Variants in POLR2B observed in about 807,000 individuals in gnomAD.
POLR2B encodes the protein DNA-directed RNA polymerase II subunit RPB2.
A neutral mutation model predicts 144.6 loss-of-function variants in POLR2B; 57 were observed. The observed-to-expected ratio is 0.39, with a 90% CI of 0.32 to 0.49. The LOEUF is 0.49. Ranked by LOEUF, POLR2B falls within the 20% of genes least tolerant of loss-of-function variation. The pLI, the probability that POLR2B is intolerant of heterozygous loss-of-function variation, is 0.83. For synonymous variants in POLR2B, 442 were observed against 469.8 expected (o/e 0.94, Z 0.77); for missense variants, 595 against 1,467.4 (o/e 0.41, Z 9.71).
chr4:56,994,725 G>A lies in POLR2B; in HGVS notation c.435G>A (p.Gln145=). The A allele has an allele frequency of 6.2e-7, 1 of 1,613,612 alleles. No individual in the cohort carries two copies. Among genetic ancestry groups the A allele is most frequent in the Non-Finnish European group, 8.5e-7 (1 of 1,179,568 alleles). The change falls in exon 5 of 25, where the codon CAG becomes CAA. Residue 145 remains glutamine (Q), a synonymous_variant. Transcript: ENST00000314595. Reference sequence around the variant, plus strand: ...AAGAACAACTTCAGACTCAGCATCAGAAAACTTTTATAGGAAAAATTCCAA... The same window carrying A: ...AAGAACAACTTCAGACTCAGCATCAAAAAACTTTTATAGGAAAAATTCCAA... The part of the protein sequence containing the change: ...EGEEQLQTQH[Q]KTFIGKIPIM...
At position 56,978,910 on chromosome 4, in the gene POLR2B, T is replaced by G; in HGVS notation, c.-76T>G. The G allele has an allele frequency of 7.1e-7, 1 of 1,398,878 alleles. No homozygotes were observed. Among genetic ancestry groups the G allele is most frequent in the Non-Finnish European group, 1.0e-6 (1 of 983,964 alleles). 86.7% of individuals were successfully genotyped at this position (1,398,878 alleles called of 1,614,324 possible). ...AGACGGAAGTTACTTCGTCTTTAGCTCCTGGCGCTGCTGGCTTCTGGGCGG... is the reference window on the plus strand; with the variant it reads ...AGACGGAAGTTACTTCGTCTTTAGCGCCTGGCGCTGCTGGCTTCTGGGCGG... On this transcript the variant is annotated 5_prime_UTR_variant, in exon 1 of 25. Transcript: ENST00000314595.
chr4:57,006,740 T>C (rs189820837), intron 9 of POLR2B, 76 bp from the exon 10 acceptor site: 3 of 1,229,952 alleles, frequency 2.4e-6, no homozygotes, highest in African/African-American at 1.5e-5. Context: ...CACGCTTTTT[T>C]TTGCAATATT....
chr4:56,990,883 A>G lies in POLR2B; in HGVS notation c.228A>G (p.Gly76=). The G allele has an allele frequency of 6.2e-7, 1 of 1,611,596 alleles. No individual in the cohort carries two copies. Among genetic ancestry groups the G allele is most frequent in the Non-Finnish European group, 8.5e-7 (1 of 1,179,322 alleles). The change falls in exon 3 of 25, where the codon GGA becomes GGG. Residue 76 remains glycine, a synonymous_variant. Coordinates refer to ENST00000314595, the MANE Select transcript of POLR2B (RefSeq NM_000938.3). ...AGGCTGAAGCTCAGCATGCTAGTGG[A>G]GAAGTTGAAGAACCGGTAAGATAGT... ...DLQAEAQHAS[G]EVEEPPRYLL...
intron 2 of POLR2B, among the ~76,000 whole-genome samples, chr4:56,988,554 C>T (rs987970160): frequency 1.3e-5 from 2 of 151,988 alleles, no homozygotes; most frequent in East Asian, 3.9e-4. Flanking sequence ...GTCAGCTTTT[C>T]ATTGTGCCTG....
rs1239632207 is a variant in POLR2B, at chr4:57,006,929, T to TA, written c.1335dup (p.Tyr446IlefsTer10). 1 of 1,613,700 alleles carries TA rather than the reference T, an allele frequency of 6.2e-7. No homozygotes were observed. Among genetic ancestry groups the TA allele is most frequent in the Non-Finnish European group, 8.5e-7 (1 of 1,179,606 alleles). ...AAAACACGGATCATATCTGATGGCCTAAAATACTCTTTAGCTACTGGAAAC... is the reference window on the plus strand; with the variant it reads ...AAAACACGGATCATATCTGATGGCCTAAAAATACTCTTTAGCTACTGGAAAC... On this transcript the variant is annotated frameshift_variant, in exon 10 of 25. Coordinates refer to ENST00000314595, the MANE Select transcript of POLR2B (RefSeq NM_000938.3). LOFTEE classifies it high-confidence loss of function.
At chr4:57,022,631 C>T (rs989651188) in intron 18 of POLR2B, among the ~76,000 whole-genome samples, 2 of 152,084 alleles carry the variant, frequency 1.3e-5, no homozygotes, top group African/African-American at 4.8e-5. Flanking sequence ...AAAAAATAAC[C>T]AGTGAGAAGA....
At chr4:57,028,011 T>G (rs1723779794) in intron 23 of POLR2B, among the ~76,000 whole-genome samples, 1 of 152,224 alleles carries the variant, frequency 6.6e-6, no homozygotes, top group African/African-American at 2.4e-5. Flanking sequence ...AACAAATACT[T>G]AAAATTATTT....
intron 3 of POLR2B, 143 bp from the exon 4 acceptor site, chr4:56,994,260 GT>G (rs1722611173): frequency 5.1e-6 from 3 of 586,680 alleles, no homozygotes; most frequent in South Asian, 4.6e-5. Flanking sequence ...ACTTTGGGAA[GT>G]CCCCATTTCA....
intron 9 of POLR2B, among the ~76,000 whole-genome samples, chr4:57,006,026 G>A (rs1036805606): frequency 3.3e-5 from 5 of 151,996 alleles, no homozygotes; most frequent in African/African-American, 9.7e-5. Flanking sequence ...GTCCTGCTTT[G>A]TACACATATA....
chr4:56,990,953 T>A, intron 3 of POLR2B, 55 bp downstream of exon 3: 1 of 1,481,408 alleles, frequency 6.8e-7, no homozygotes, highest in East Asian at 2.4e-5. Flanking sequence ...TTTGAAATTT[T>A]AGCCCTTCTC....
intron 7 of POLR2B, among the ~76,000 whole-genome samples, chr4:57,005,037 T>C (rs1718837): frequency 0.27 from 41,236 of 152,066 alleles, 5,678 homozygotes; most frequent in South Asian, 0.42. Flanking sequence ...GAAAGGTAAT[T>C]GCCTGTGCTG....
Position 57,017,531 on chromosome 4 carries a change from T to C in POLR2B, c.2155-29T>C. On this transcript the variant is annotated intron_variant, in intron 15 of 24. Coordinates refer to ENST00000314595, the MANE Select transcript of POLR2B (RefSeq NM_000938.3). The surrounding 1 kb of genome is among the most constrained non-coding windows in gnomAD (Gnocchi z 4.8). ...TTCCATTAGTGATAGTAACTTTTTGTTGTTTCTGCTTTTCATTTTTACGTT... is the reference window on the plus strand; with the variant it reads ...TTCCATTAGTGATAGTAACTTTTTGCTGTTTCTGCTTTTCATTTTTACGTT... The C allele has an allele frequency of 6.5e-7, 1 of 1,542,888 alleles. No homozygotes were observed. The highest frequency in any genetic ancestry group is 8.7e-7 in the Non-Finnish European group (1 of 1,143,780).
chr4:57,018,831 G>A (rs1266753695), intron 16 of POLR2B, among the ~76,000 whole-genome samples: 1 of 152,218 alleles, frequency 6.6e-6, no homozygotes, highest in Non-Finnish European at 1.5e-5. Context: ...TAGCTGATAA[G>A]GAGGGGAATT....
intron 7 of POLR2B, among the ~76,000 whole-genome samples, chr4:57,001,694 A>G (rs761721118): frequency 7.2e-5 from 11 of 152,182 alleles, no homozygotes; most frequent in Non-Finnish European, 1.6e-4. Context: ...TGATCGCTTC[A>G]CAGTGGTGTC....
At chr4:56,983,665 C>T (rs893516901) in intron 1 of POLR2B, among the ~76,000 whole-genome samples, 16 of 151,964 alleles carry the variant, frequency 1.1e-4, no homozygotes, top group African/African-American at 3.4e-4. Context: ...CCACTGCGCC[C>T]GGCCAGCTTT....
chr4:57,010,574 G>C (rs1723159567), intron 11 of POLR2B, 70 bp downstream of exon 11: 1 of 1,484,364 alleles, frequency 6.7e-7, no homozygotes. Context: ...ATTACTTTTA[G>C]AAATAGATGT....
chr4:57,020,030 A>G (rs976697246), intron 16 of POLR2B, among the ~76,000 whole-genome samples: 15 of 151,996 alleles, frequency 9.9e-5, no homozygotes, highest in Admixed American at 1.3e-4. Context: ...TATGAATATC[A>G]AGTTATTTTA....
At chr4:57,027,844 A>G (rs984952150) in intron 23 of POLR2B, among the ~76,000 whole-genome samples, 34 of 152,298 alleles carry the variant, frequency 2.2e-4, no homozygotes, top group African/African-American at 8.2e-4. Flanking sequence ...ATGTTAACAC[A>G]CTTCATTATA....
chr4:56,986,037 T>A (rs1196046218), intron 1 of POLR2B, among the ~76,000 whole-genome samples: 3 of 152,220 alleles, frequency 2.0e-5, no homozygotes, highest in African/African-American at 7.2e-5. Context: ...GTTGGAATCC[T>A]TCCATGGCTC....
Sources: gnomAD v4.1 joint callset for allele counts (sites outside exome capture counted in the v4.1 genomes callset) on GRCh38, gnomAD v4.1.1 for gene constraint, Gnocchi (gnomAD v3.1) non-coding constraint, MANE v1.5 for transcripts, NCBI Gene and HGNC (gene_info 2026-07-23, HGNC 2026-07-21) for gene names.